The following SLC2A9 variants were observed in gnomAD, a reference collection of about 807,000 sequenced individuals.
SLC2A9 encodes the protein solute carrier family 2 member 9.
A neutral mutation model predicts 50.6 loss-of-function variants in SLC2A9; 39 were observed. That is an observed-to-expected ratio of 0.77 (90% CI 0.60 to 1.01). SLC2A9 has a LOEUF of 1.01. SLC2A9 is among the 50% of genes least tolerant of loss of function. The pLI is 0.00. For synonymous variants in SLC2A9, 324 were observed against 276.9 expected (o/e 1.17, Z -1.69); for missense variants, 686 against 677.6 (o/e 1.01, Z -0.14).
chr4:9,783,177 C>T (rs1718737809), intron 3 of SLC2A9: 3 of 1,614,082 alleles, frequency 1.9e-6, no homozygotes, highest in Non-Finnish European at 2.5e-6. Flanking sequence ...TCCCGCACGC[C>T]GGTGGAGACG....
intron 5 of SLC2A9, among the ~76,000 whole-genome samples, chr4:9,961,646 T>C (rs931452425): frequency 4.6e-5 from 7 of 152,246 alleles, no homozygotes; most frequent in African/African-American, 1.7e-4. Context: ...ATTCAGGACA[T>C]AGGCATGGGC....
chr4:10,027,676 G>A (rs867388837), intron 1 of SLC2A9, among the ~76,000 whole-genome samples: 6 of 152,030 alleles, frequency 3.9e-5, no homozygotes, highest in African/African-American at 1.2e-4. Flanking sequence ...CATTGGGGCC[G>A]AGTGTCCTTT....
At chr4:9,823,777 C>A (rs1724728559), downstream of SLC2A9, among the ~76,000 whole-genome samples, 1 of 152,210 alleles carries the variant, frequency 6.6e-6, no homozygotes, top group Non-Finnish European at 1.5e-5. Context: ...TGAGATGATG[C>A]ATTTGATTTA....
chr4:9,925,828 G>C (rs1253085951), intron 6 of SLC2A9, among the ~76,000 whole-genome samples: 1 of 152,142 alleles, frequency 6.6e-6, no homozygotes, highest in Non-Finnish European at 1.5e-5. Flanking sequence ...GGAAAATTAT[G>C]CTAGATGTCA....
intron 2 of SLC2A9, among the ~76,000 whole-genome samples, chr4:10,016,046 G>A (rs762515651): frequency 2.6e-5 from 4 of 152,214 alleles, no homozygotes; most frequent in Non-Finnish European, 5.9e-5. Context: ...CGGGGTGCTT[G>A]CTCTGGGCTC....
intron 10 of SLC2A9, among the ~76,000 whole-genome samples, chr4:9,837,435 T>TAACACCTAACACC (rs1727280822): frequency 6.6e-6 from 1 of 152,250 alleles, no homozygotes; most frequent in Non-Finnish European, 1.5e-5. Context: ...TTCTGAAGCC[T>TAACACCTAACACC]GAACAGGGTT....
intron 10 of SLC2A9, among the ~76,000 whole-genome samples, chr4:9,852,229 G>A (rs1249334875): frequency 6.6e-6 from 1 of 150,458 alleles, no homozygotes; most frequent in Non-Finnish European, 1.5e-5. Flanking sequence ...AAGATACTGG[G>A]GGCCTATATC....
intron 10 of SLC2A9, among the ~76,000 whole-genome samples, chr4:9,883,648 A>G (rs115535496): frequency 8.5e-5 from 13 of 152,352 alleles, no homozygotes; most frequent in African/African-American, 3.1e-4. Context: ...AGAACAGGAC[A>G]GAGCCTGGGA....
intron 8 of SLC2A9, among the ~76,000 whole-genome samples, chr4:9,893,586 G>A (rs568680979): frequency 2.4e-4 from 34 of 140,210 alleles, no homozygotes; most frequent in African/African-American, 7.6e-4. Flanking sequence ...GGGAGGGAGG[G>A]AGTGAGGGAG....
At chr4:10,016,041 T>G (rs1762554432) in intron 2 of SLC2A9, among the ~76,000 whole-genome samples, 2 of 152,086 alleles carry the variant, frequency 1.3e-5, no homozygotes, top group Admixed American at 1.3e-4. Context: ...CTCCTCGGGG[T>G]GCTTGCTCTG....
At position 9,834,889 on chromosome 4, in the gene SLC2A9, A is replaced by ATGGGAAGAGGAG; in HGVS notation, c.1399_1410dup (p.Leu467_Pro470dup). 6.2e-7 allele frequency: 1 copy of ATGGGAAGAGGAG among 1,614,190 alleles called. No homozygotes were observed. The highest frequency in any genetic ancestry group is 8.5e-7 in the Non-Finnish European group (1 of 1,180,024). On this transcript the variant is annotated inframe_insertion, in exon 11 of 12. Transcript: ENST00000264784. Reference sequence around the variant, plus strand: ...CTCCTTGTCAGTCATACCTGAATGAATGGGAAGAGGAGCCCAACAGCAAAG... The same window carrying ATGGGAAGAGGAG: ...CTCCTTGTCAGTCATACCTGAATGAATGGGAAGAGGAGTGGGAAGAGGAGCCCAACAGCAAAG...
chr4:9,993,160 A>G (rs1186168447), intron 3 of SLC2A9, among the ~76,000 whole-genome samples: 1 of 152,238 alleles, frequency 6.6e-6, no homozygotes, highest in Non-Finnish European at 1.5e-5. Context: ...GAATATGGTT[A>G]CGTGGCTTGT....
intron 10 of SLC2A9, among the ~76,000 whole-genome samples, chr4:9,847,004 G>C (rs1407433984): frequency 1.3e-5 from 2 of 152,174 alleles, no homozygotes; most frequent in East Asian, 3.9e-4. Context: ...GTAACCACAG[G>C]TAAGTCGTAT....
intron 1 of SLC2A9, among the ~76,000 whole-genome samples, chr4:10,038,497 A>G (rs1764177139): frequency 8.9e-6 from 1 of 112,664 alleles, no homozygotes; most frequent in Non-Finnish European, 1.7e-5. Context: ...ACAGAGTAAG[A>G]CTCTGTCTCA....
At chr4:9,983,924 G>C (rs1310255049) in intron 4 of SLC2A9, among the ~76,000 whole-genome samples, 1 of 152,082 alleles carries the variant, frequency 6.6e-6, no homozygotes, top group Non-Finnish European at 1.5e-5. Context: ...CCACTTTCCT[G>C]CTCCAGCTTT....
chr4:9,966,524 T>G (rs562408801), intron 5 of SLC2A9, among the ~76,000 whole-genome samples: 5 of 151,960 alleles, frequency 3.3e-5, no homozygotes, highest in Admixed American at 2.6e-4. Flanking sequence ...GGTGTGGTGG[T>G]GGATGCCTGT....
At chr4:9,831,604 G>A (rs576935371) in intron 11 of SLC2A9, among the ~76,000 whole-genome samples, 25 of 152,292 alleles carry the variant, frequency 1.6e-4, no homozygotes, top group South Asian at 1.5e-3. Context: ...TTGCGCTGCC[G>A]CCCAGAGAAA....
In SLC2A9 at chr4:9,908,220, C is replaced by T. The variant is rs756816874; in HGVS notation, c.1113+15G>A. ...CCCCTGTGGCATTCTCAGGAGTAAC[C>T]CTCAGTTGACTTACAGAGAAGACGG... On this transcript the variant is annotated intron_variant, in intron 8 of 11. Transcript: ENST00000264784. 1 of 1,571,274 alleles carries T rather than the reference C, an allele frequency of 6.4e-7. No individual in the cohort carries two copies. The highest frequency in any genetic ancestry group is 1.1e-5 in the South Asian group (1 of 90,266).
chr4:9,805,886 A>G (rs1004024279), intron 3 of SLC2A9, among the ~76,000 whole-genome samples: 2 of 152,156 alleles, frequency 1.3e-5, no homozygotes, highest in African/African-American at 4.8e-5. Context: ...TAATTCTAGA[A>G]GTAGTTCTTA....
Sources: gnomAD v4.1 joint callset for allele counts (sites outside exome capture counted in the v4.1 genomes callset) on GRCh38, gnomAD v4.1.1 for gene constraint, MANE v1.5 for transcripts, NCBI Gene and HGNC (gene_info 2026-07-23, HGNC 2026-07-21) for gene names.